PPP1R13B: variants seen among roughly 807,000 people sequenced by gnomAD.
The protein encoded by PPP1R13B is protein phosphatase 1 regulatory subunit 13B, also known as apoptosis-stimulating of p53 protein 1.
Under a neutral mutation model 119.8 loss-of-function variants are expected in PPP1R13B, and 44 were observed. That is an observed-to-expected ratio of 0.37 (90% CI 0.29 to 0.47). The LOEUF (loss-of-function observed/expected upper bound fraction) is 0.47, where lower values mean the gene tolerates loss of function less well. Among genes scored for constraint, PPP1R13B ranks in the 20% least tolerant of loss-of-function variants. PPP1R13B has a pLI of 0.99. For missense variants in PPP1R13B, 1,227 were observed against 1,413.5 expected (o/e 0.87, Z 2.12); for synonymous variants, 542 against 561.5 (o/e 0.97, Z 0.49).
intron 11 of PPP1R13B, among the ~76,000 whole-genome samples, chr14:103,741,507 C>T (rs562544732): frequency 1.3e-5 from 2 of 152,320 alleles, no homozygotes; most frequent in African/African-American, 2.4e-5. Flanking sequence ...AGGAAATTCT[C>T]GACATCTCAC....
At chr14:103,781,185 G>A (rs1253990078) in intron 3 of PPP1R13B, among the ~76,000 whole-genome samples, 2 of 152,174 alleles carry the variant, frequency 1.3e-5, no homozygotes, top group African/African-American at 4.8e-5. Context: ...ATAAGTAAAA[G>A]GCAAGACTTT....
At chr14:103,802,733 G>C (rs2085929652) in intron 1 of PPP1R13B, among the ~76,000 whole-genome samples, 1 of 152,156 alleles carries the variant, frequency 6.6e-6, no homozygotes, top group Non-Finnish European at 1.5e-5. Context: ...GAATTACCAA[G>C]ACTCTTCAGC....
chr14:103,844,704 C>G (rs2086988723), intron 1 of PPP1R13B, among the ~76,000 whole-genome samples: 1 of 151,848 alleles, frequency 6.6e-6, no homozygotes. Flanking sequence ...CCAGCCTGGG[C>G]AACAGAGTGA....
intron 2 of PPP1R13B, among the ~76,000 whole-genome samples, chr14:103,786,133 G>A (rs990850289): frequency 1.1e-4 from 16 of 152,034 alleles, no homozygotes; most frequent in Middle Eastern, 3.2e-3. Context: ...TCCACCTCCC[G>A]GGCTCAAGCG....
Position 103,734,696 on chromosome 14 carries a change from G to A in PPP1R13B, c.*458C>T, listed in dbSNP as rs754359050. 19 of 457,642 alleles carry A rather than the reference G, an allele frequency of 4.2e-5. No individual in the cohort carries two copies. Among genetic ancestry groups the A allele is most frequent in the South Asian group, 2.6e-4 (17 of 64,566 alleles). 28.3% of individuals were successfully genotyped at this position (457,642 alleles called of 1,614,324 possible). A position where few individuals can be genotyped will look rare whatever the true frequency, so the allele number is the denominator to read the frequency against. ...GATGAAGGGAAGAAGGATCATGTGT[G>A]GGAAGTGTGAGAAAGGATGAGTGTC... On this transcript the variant is annotated 3_prime_UTR_variant, in exon 17 of 17. Coordinates refer to ENST00000202556, the MANE Select transcript of PPP1R13B (RefSeq NM_015316.3).
At chr14:103,820,388 T>C (rs2086379310) in intron 1 of PPP1R13B, among the ~76,000 whole-genome samples, 1 of 152,148 alleles carries the variant, frequency 6.6e-6, no homozygotes, top group African/African-American at 2.4e-5. Context: ...TTCTCTCTCT[T>C]CTCAAAAATA....
chr14:103,743,379 T>C (rs1330278089), intron 9 of PPP1R13B, among the ~76,000 whole-genome samples: 3 of 152,246 alleles, frequency 2.0e-5, no homozygotes, highest in African/African-American at 7.2e-5. Flanking sequence ...AGGAGCAGGC[T>C]ATCATTCTGT....
intron 4 of PPP1R13B, among the ~76,000 whole-genome samples, chr14:103,777,291 C>A: frequency 6.6e-6 from 1 of 152,194 alleles, no homozygotes; most frequent in Non-Finnish European, 1.5e-5. Context: ...CCACGCCCAG[C>A]CAACACCAAC....
intron 1 of PPP1R13B, among the ~76,000 whole-genome samples, chr14:103,831,312 CTTT>C (rs1210325705): frequency 3.2e-5 from 4 of 123,240 alleles, no homozygotes; most frequent in Admixed American, 1.6e-4. Flanking sequence ...CATTCTTTTA[CTTT>C]TTTTTTTTTT....
At chr14:103,845,222 T>G (rs1042792774) in intron 1 of PPP1R13B, among the ~76,000 whole-genome samples, 4 of 96,148 alleles carry the variant, frequency 4.2e-5, no homozygotes, top group African/African-American at 2.5e-4. Context: ...GAGAAAAATC[T>G]TATTTACATT....
At chr14:103,844,721 GT>G (rs1321766893) in intron 1 of PPP1R13B, among the ~76,000 whole-genome samples, 1 of 151,846 alleles carries the variant, frequency 6.6e-6, no homozygotes, top group Non-Finnish European at 1.5e-5. Context: ...GTGAGACTCT[GT>G]CACAAAAAAA....
intron 2 of PPP1R13B, among the ~76,000 whole-genome samples, chr14:103,793,875 T>C (rs1476599794): frequency 6.6e-6 from 1 of 152,220 alleles, no homozygotes; most frequent in Non-Finnish European, 1.5e-5. Flanking sequence ...ATTCATCTGT[T>C]GTAGTCCTGA....
chr14:103,812,025 A>G lies in PPP1R13B; in HGVS notation c.10-14507T>C, dbSNP rs553078329. ...CGGTGAGCTGAGATTGAGCCACTAC[A>G]CTCCACCCTGGGCGACAGAGCCAGA... On this transcript the variant is annotated intron_variant, in intron 1 of 16. Transcript: ENST00000202556. 2.3e-5 allele frequency among the ~76,000 whole-genome samples: 3 copies of G among 127,672 alleles called. No individual in the cohort carries two copies. The East Asian group carries it at 7.8e-4, about 33-fold the overall frequency. 83.8% of individuals were successfully genotyped at this position (127,672 alleles called of 152,430 possible).
rs367810676 is a variant in PPP1R13B, at chr14:103,739,894, G to A, written c.2522C>T (p.Pro841Leu). The change falls in exon 12 of 17, where the codon CCA becomes CTA. Residue 841 changes from proline to leucine, a missense_variant. Transcript: ENST00000202556. ...EQIPSPVAEA[P>L]SPGEEQVPPA... ...AGGGACCTGCTCTTCCCCTGGAGAT[G>A]GGGCCTCAGCCACAGGACTCGGGAT... The A allele has an allele frequency of 1.2e-4, 201 of 1,613,840 alleles. No individual in the cohort carries two copies. The highest frequency in any genetic ancestry group is 1.6e-4 in the Non-Finnish European group (189 of 1,180,022).
intron 2 of PPP1R13B, among the ~76,000 whole-genome samples, chr14:103,796,184 G>A (rs1020958118): frequency 8.5e-5 from 13 of 152,220 alleles, no homozygotes; most frequent in African/African-American, 3.1e-4. Flanking sequence ...ACGAGAGGCT[G>A]AGGTGGGAGC....
chr14:103,739,875 C>A lies in PPP1R13B; in HGVS notation c.2541G>T (p.Gln847His). 1.9e-6 allele frequency: 3 copies of A among 1,613,744 alleles called. No homozygotes were observed. Among genetic ancestry groups the A allele is most frequent in the Non-Finnish European group, 1.7e-6 (2 of 1,179,964 alleles). ...CAGGGGGAAGAGGTGCTGGAGGGACCTGCTCTTCCCCTGGAGATGGGGCCT... is the reference window on the plus strand; with the variant it reads ...CAGGGGGAAGAGGTGCTGGAGGGACATGCTCTTCCCCTGGAGATGGGGCCT... The part of the protein sequence containing the change: ...VAEAPSPGEE[Q>H]VPPAPLPPAS... Residue 847 changes from glutamine (Q) to histidine (H), a missense_variant, in exon 12 of 17, where the codon CAG becomes CAT. Physicochemically the swap from Gln to His is conservative, Grantham distance 24. Transcript: ENST00000202556.
intron 1 of PPP1R13B, among the ~76,000 whole-genome samples, chr14:103,816,543 C>T (rs190189793): frequency 5.3e-5 from 8 of 149,572 alleles, no homozygotes; most frequent in African/African-American, 1.7e-4. Context: ...AAAAATTAGC[C>T]GGGGGTGGTG....
At chr14:103,808,191 C>T (rs927124863) in intron 1 of PPP1R13B, among the ~76,000 whole-genome samples, 1 of 151,828 alleles carries the variant, frequency 6.6e-6, no homozygotes, top group African/African-American at 2.4e-5. Flanking sequence ...TTGCAGTGAG[C>T]CAAGATCACG....
chr14:103,776,012 A>G (rs914827529), intron 4 of PPP1R13B, among the ~76,000 whole-genome samples: 1 of 152,084 alleles, frequency 6.6e-6, no homozygotes, highest in Non-Finnish European at 1.5e-5. Flanking sequence ...TAAAATAATG[A>G]AACTGCTAAA....
Sources: allele counts gnomAD v4.1 joint callset (sites outside exome capture counted in the v4.1 genomes callset), GRCh38; gene constraint gnomAD v4.1.1; transcripts MANE v1.5; gene names NCBI Gene and HGNC (gene_info 2026-07-23, HGNC 2026-07-21).